The following CWF19L2 variants were observed in gnomAD, a reference collection of about 807,000 sequenced individuals.
CWF19L2 encodes CWF19-like protein 2.
Under a neutral mutation model 111.7 loss-of-function variants are expected in CWF19L2, and 98 were observed. The ratio of observed to expected loss-of-function variants is 0.88; its 90% CI spans 0.75 to 1.04. The LOEUF is 1.04. Ranked by LOEUF, CWF19L2 falls within the 50% of genes least tolerant of loss-of-function variation. The probability of loss-of-function intolerance (pLI) is 0.00; values close to 1 mark genes in which losing one functional copy is unlikely to be tolerated. For missense variants in CWF19L2, 1,101 were observed against 1,051.4 expected, an observed-to-expected ratio of 1.05 and a Z score of -0.65; for synonymous variants, 351 against 342.9, an observed-to-expected ratio of 1.02 and a Z score of -0.26.
intron 1 of CWF19L2, among the ~76,000 whole-genome samples, chr11:107,457,234 G>C (rs1441433506): frequency 6.6e-6 from 1 of 152,192 alleles, no homozygotes; most frequent in Non-Finnish European, 1.5e-5. Context: ...ATTGGTAAGA[G>C]CTTACAGTAA....
At chr11:107,372,882 T>A (rs957423467) in intron 12 of CWF19L2, among the ~76,000 whole-genome samples, 1 of 128,530 alleles carries the variant, frequency 7.8e-6, no homozygotes, top group Non-Finnish European at 1.6e-5. Context: ...CACTAGGGAG[T>A]GCCAGACAGT....
chr11:107,433,052 C>T (rs150677997), intron 7 of CWF19L2, among the ~76,000 whole-genome samples: 6 of 152,076 alleles, frequency 3.9e-5, no homozygotes, highest in African/African-American at 1.4e-4. Context: ...TTCTACGAGT[C>T]TACTTTAAAA....
chr11:107,333,130 G>A (rs1415911390), intron 16 of CWF19L2, among the ~76,000 whole-genome samples: 1 of 151,748 alleles, frequency 6.6e-6, no homozygotes, highest in Non-Finnish European at 1.5e-5. Context: ...AGGTCATCTG[G>A]CTCATCCTTC....
At chr11:107,398,999 G>A (rs958040814) in intron 10 of CWF19L2, among the ~76,000 whole-genome samples, 2 of 152,128 alleles carry the variant, frequency 1.3e-5, no homozygotes, top group African/African-American at 2.4e-5. Flanking sequence ...GAGAGAATTC[G>A]CCATTACCAA....
intron 3 of CWF19L2, among the ~76,000 whole-genome samples, chr11:107,450,851 A>G (rs1228815086): frequency 6.6e-6 from 1 of 152,186 alleles, no homozygotes. Context: ...TCAAAATTAC[A>G]TAAGGCAAAA....
chr11:107,396,968 G>A (rs533589881), intron 10 of CWF19L2, among the ~76,000 whole-genome samples: 5 of 152,272 alleles, frequency 3.3e-5, no homozygotes, highest in Admixed American at 2.6e-4. Flanking sequence ...AAGTTAGGGG[G>A]CCAAGTGAAA....
rs748896659 is a variant in CWF19L2 at position 107,418,276 on chromosome 11, C to A, written c.1445G>T (p.Arg482Leu). 6.2e-7 allele frequency: 1 copy of A among 1,609,926 alleles called. No individual in the cohort carries two copies. The highest frequency in any genetic ancestry group is 8.5e-7 in the Non-Finnish European group (1 of 1,176,222). The change falls in exon 9 of 18, where the codon CGT (arginine) becomes CTT (leucine). Residue 482 changes from arginine (R) to leucine (L), a missense_variant. Transcript: ENST00000282251. ...AACACTCAGGATGTGAATGGACTCA[C>A]GCTCTGGACTGCTATTGGAATAGGA... ...TKSTFAGSPE[R>L]ESIHILSVDE...
intron 10 of CWF19L2, among the ~76,000 whole-genome samples, chr11:107,397,965 C>T (rs1332783870): frequency 6.6e-6 from 1 of 152,088 alleles, no homozygotes; most frequent in Non-Finnish European, 1.5e-5. Context: ...TAGGAAAAGG[C>T]GGAGATTATT....
intron 12 of CWF19L2, among the ~76,000 whole-genome samples, chr11:107,380,140 GAAA>G (rs904516841): frequency 1.5e-5 from 2 of 137,758 alleles, no homozygotes; most frequent in African/African-American, 5.5e-5. Flanking sequence ...TCATTATATA[GAAA>G]AAAAATGGTT....
intron 10 of CWF19L2, chr11:107,404,731 C>G (rs923671660): frequency 3.3e-6 from 1 of 305,738 alleles, no homozygotes; most frequent in African/African-American, 2.2e-5. Flanking sequence ...GGACCTAGCA[C>G]AGTGTCAAAT....
intron 17 of CWF19L2, among the ~76,000 whole-genome samples, chr11:107,328,957 G>C (rs1239582769): frequency 6.6e-6 from 1 of 152,176 alleles, no homozygotes; most frequent in Non-Finnish European, 1.5e-5. Context: ...GCATTAAAAA[G>C]TTTTGAATCA....
intron 10 of CWF19L2, among the ~76,000 whole-genome samples, chr11:107,393,107 T>G (rs543096411): frequency 6.6e-6 from 1 of 152,272 alleles, no homozygotes; most frequent in African/African-American, 2.4e-5. Flanking sequence ...TATTTTAGTA[T>G]TTTTAAAAAA....
intron 10 of CWF19L2, among the ~76,000 whole-genome samples, chr11:107,415,305 A>G (rs532543664): frequency 2.0e-5 from 3 of 152,174 alleles, no homozygotes; most frequent in Non-Finnish European, 4.4e-5. Flanking sequence ...AAGTCCTTAC[A>G]CTTTTTCAAC....
Position 107,326,707 on chromosome 11 carries a change from T to C in CWF19L2, c.*203A>G, listed in dbSNP as rs867127648. On this transcript the variant is annotated 3_prime_UTR_variant, in exon 18 of 18. Coordinates refer to ENST00000282251, the MANE Select transcript of CWF19L2 (RefSeq NM_152434.3). ...TCATCGAATATATGTTTTTACTCCA[T>C]GGTGACTAAAATGAAGTCCATAGAT... 2 of 430,724 alleles carry C rather than the reference T, an allele frequency of 4.6e-6. No homozygotes were observed. Among genetic ancestry groups the C allele is most frequent in the Admixed American group, 4.3e-5 (1 of 23,488 alleles). 26.7% of individuals were successfully genotyped at this position (430,724 alleles called of 1,614,324 possible).
intron 8 of CWF19L2, among the ~76,000 whole-genome samples, chr11:107,421,498 T>TA (rs758666041): frequency 1.1e-4 from 17 of 152,010 alleles, no homozygotes; most frequent in Non-Finnish European, 2.2e-4. Flanking sequence ...GCCTGCCTGA[T>TA]AAAAAAGAGA....
chr11:107,350,649 C>G (rs1024427896), intron 13 of CWF19L2, among the ~76,000 whole-genome samples: 8 of 151,442 alleles, frequency 5.3e-5, no homozygotes, highest in African/African-American at 1.9e-4. Context: ...TTATAGTAGC[C>G]CGAACTAAGA....
At chr11:107,439,035 G>GAAA (rs375132996) in intron 6 of CWF19L2, 55 bp downstream of exon 6, 61,216 of 279,990 alleles carry the variant, frequency 0.22, 2,703 homozygotes, top group Non-Finnish European at 0.23. Flanking sequence ...ACTCTGTCTC[G>GAAA]AAAAAAAAAA....
At chr11:107,412,753 T>C (rs1861175761) in intron 10 of CWF19L2, among the ~76,000 whole-genome samples, 2 of 152,178 alleles carry the variant, frequency 1.3e-5, no homozygotes, top group Admixed American at 6.5e-5. Flanking sequence ...CTCCAATAGG[T>C]GAATGAATAA....
chr11:107,360,796 T>C (rs1266743528), intron 12 of CWF19L2, among the ~76,000 whole-genome samples: 3 of 152,246 alleles, frequency 2.0e-5, no homozygotes, highest in African/African-American at 4.8e-5. Flanking sequence ...TTTTGAAAGA[T>C]ATCTATTCAT....
Sources: gnomAD v4.1 joint callset for allele counts (sites outside exome capture counted in the v4.1 genomes callset) on GRCh38, gnomAD v4.1.1 for gene constraint, MANE v1.5 for transcripts, NCBI Gene and HGNC (gene_info 2026-07-23, HGNC 2026-07-21) for gene names.